The following WWC1 variants were observed in gnomAD, a reference collection of about 807,000 sequenced individuals.
WWC1 encodes the protein protein KIBRA.
In WWC1, 55 loss-of-function variants were observed where a neutral mutation model predicts 138.4. The ratio of observed to expected loss-of-function variants is 0.40; its 90% CI spans 0.32 to 0.50. The LOEUF is 0.50. Ranked by LOEUF, WWC1 falls within the 20% of genes least tolerant of loss-of-function variation. The probability of loss-of-function intolerance (pLI) is 0.72; values close to 1 mark genes in which losing one functional copy is unlikely to be tolerated. For missense variants in WWC1, 1,226 were observed against 1,420.4 expected (o/e 0.86, Z 2.20); for synonymous variants, 524 against 564.9 (o/e 0.93, Z 1.03).
intron 1 of WWC1, among the ~76,000 whole-genome samples, chr5:168,299,376 C>G (rs972927176): frequency 6.6e-6 from 1 of 152,218 alleles, no homozygotes; most frequent in African/African-American, 2.4e-5. Context: ...GCTTAGGAGA[C>G]TGTTTGGCAT....
At chr5:168,321,963 C>T (rs1178484285) in intron 1 of WWC1, among the ~76,000 whole-genome samples, 3 of 152,186 alleles carry the variant, frequency 2.0e-5, no homozygotes, top group African/African-American at 4.8e-5. Context: ...TCTAGGAAGC[C>T]TAGAACTTTT....
chr5:168,432,834 G>C (rs1363412163), intron 15 of WWC1, among the ~76,000 whole-genome samples: 2 of 152,230 alleles, frequency 1.3e-5, no homozygotes, highest in African/African-American at 4.8e-5. Flanking sequence ...GGAAAAACAA[G>C]ATGTATACAC....
At chr5:168,428,256 G>T in intron 12 of WWC1, 115 bp downstream of exon 12, 1 of 1,004,910 alleles carries the variant, frequency 1.0e-6, no homozygotes, top group South Asian at 1.6e-5. Flanking sequence ...TGTGGGAGGA[G>T]CCCCAAGAGG....
Position 168,403,070 on chromosome 5 carries a change from C to CTTTCT in WWC1, c.591-3125_591-3121dup, listed in dbSNP as rs1554104765. On this transcript the variant is annotated intron_variant, in intron 5 of 22. Transcript: ENST00000265293. ...TCTTTCTTTCTTTCTTTCTTTCTTT[C>CTTTCT]TTTCTTTCTTTTCTTTCTTTTCTTT... Among the ~76,000 whole-genome samples, 97 of 86,866 alleles carry CTTTCT rather than the reference C, an allele frequency of 1.1e-3. 1 individual carries two copies. The highest frequency in any genetic ancestry group is 2.2e-3 in the African/African-American group (44 of 19,566). 57.0% of individuals were successfully genotyped at this position (86,866 alleles called of 152,430 possible).
chr5:168,442,812 G>A (rs1429569822), intron 16 of WWC1, among the ~76,000 whole-genome samples: 7 of 150,182 alleles, frequency 4.7e-5, no homozygotes, highest in East Asian at 3.9e-4. Context: ...ACTCCAGCCC[G>A]GGCAGCAGAG....
intron 1 of WWC1, among the ~76,000 whole-genome samples, chr5:168,305,938 A>G (rs1189114677): frequency 6.6e-6 from 1 of 152,194 alleles, no homozygotes; most frequent in Non-Finnish European, 1.5e-5. Context: ...CTTCCTTACA[A>G]ACATTTGTAG....
intron 1 of WWC1, among the ~76,000 whole-genome samples, chr5:168,335,890 C>A (rs1277696957): frequency 6.6e-6 from 1 of 152,178 alleles, no homozygotes; most frequent in Non-Finnish European, 1.5e-5. Flanking sequence ...GACACAGCTC[C>A]CTCTACCCAG....
At chr5:168,370,435 C>T (rs6555805) in intron 1 of WWC1, among the ~76,000 whole-genome samples, 32,736 of 152,090 alleles carry the variant, frequency 0.22, 3,869 homozygotes, top group South Asian at 0.45. Flanking sequence ...CGTCCTGTCC[C>T]GTTGTACTTC....
At chr5:168,360,464 A>G (rs1038344193) in intron 1 of WWC1, among the ~76,000 whole-genome samples, 3 of 152,124 alleles carry the variant, frequency 2.0e-5, no homozygotes, top group Admixed American at 2.0e-4. Context: ...GAAGCGATCT[A>G]TTTTACATGG....
At chr5:168,466,403 T>G (rs765954753) in intron 21 of WWC1, among the ~76,000 whole-genome samples, 2 of 152,140 alleles carry the variant, frequency 1.3e-5, no homozygotes, top group Admixed American at 6.5e-5. Flanking sequence ...AAAAAAGACT[T>G]TTGCTAGTTC....
At chr5:168,424,779 G>A (rs954111871) in intron 11 of WWC1, among the ~76,000 whole-genome samples, 1 of 152,144 alleles carries the variant, frequency 6.6e-6, no homozygotes, top group Admixed American at 6.5e-5. Flanking sequence ...TAAGGAGTTT[G>A]GATTTTATCC....
chr5:168,310,015 C>T (rs140415746), intron 1 of WWC1, among the ~76,000 whole-genome samples: 7 of 152,326 alleles, frequency 4.6e-5, no homozygotes, highest in South Asian at 2.1e-4. Context: ...CACAACCCAG[C>T]GCTGACCAGC....
At chr5:168,426,775 A>G (rs1022583818) in intron 11 of WWC1, among the ~76,000 whole-genome samples, 5 of 152,128 alleles carry the variant, frequency 3.3e-5, no homozygotes, top group Admixed American at 2.6e-4. Flanking sequence ...TGTGCCCCTC[A>G]ATGCTGCGAG....
intron 1 of WWC1, among the ~76,000 whole-genome samples, chr5:168,362,597 GC>G (rs1775962317): frequency 6.6e-6 from 1 of 152,212 alleles, no homozygotes; most frequent in South Asian, 2.1e-4. Context: ...GCTGAATTTG[GC>G]CCTCAGGTTG....
rs557073435 is a variant in WWC1 at position 168,448,667 on chromosome 5, G to A, written c.2525+4082G>A. ...GGAGTCTTGTTCTGTCACCCAGGCT[G>A]GAGTGCAGTGGCACGATCTCAGCTC... On this transcript the variant is annotated intron_variant, in intron 17 of 22. Transcript: ENST00000265293. Among the ~76,000 whole-genome samples, 7 of 142,976 alleles carry A rather than the reference G, an allele frequency of 4.9e-5. No individual in the cohort carries two copies. The South Asian group carries it at 1.3e-3, about 27-fold the overall frequency. The allele number at this position is 142,976 out of a possible 152,430, so 93.8% of individuals were successfully genotyped here. A position where few individuals can be genotyped will look rare whatever the true frequency, so the allele number is the denominator to read the frequency against.
chr5:168,406,980 G>C (rs1779847539), intron 6 of WWC1, among the ~76,000 whole-genome samples: 1 of 150,742 alleles, frequency 6.6e-6, no homozygotes, highest in Non-Finnish European at 1.5e-5. Context: ...GAGAGAGAGA[G>C]AGTCTTGCTA....
intron 8 of WWC1, 117 bp downstream of exon 8, chr5:168,410,112 T>C (rs1018461608): frequency 2.0e-6 from 2 of 1,019,398 alleles, no homozygotes; most frequent in African/African-American, 1.6e-5. Flanking sequence ...TCACAAAGAT[T>C]ATGAAGATAG....
intron 8 of WWC1, among the ~76,000 whole-genome samples, chr5:168,411,083 G>A (rs1389305944): frequency 2.6e-5 from 4 of 151,880 alleles, no homozygotes; most frequent in Non-Finnish European, 5.9e-5. Context: ...CCGTCACAAC[G>A]CCCGGCTAAT....
chr5:168,424,355 A>G (rs1582249786), intron 11 of WWC1, among the ~76,000 whole-genome samples: 1 of 152,204 alleles, frequency 6.6e-6, no homozygotes. Context: ...GGATTCATCT[A>G]TTCATGATTA....
Sources: gnomAD v4.1 joint callset for allele counts (sites outside exome capture counted in the v4.1 genomes callset) on GRCh38, gnomAD v4.1.1 for gene constraint, MANE v1.5 for transcripts, NCBI Gene and HGNC (gene_info 2026-07-23, HGNC 2026-07-21) for gene names.